The following ALK variants were observed in gnomAD, a reference collection of about 807,000 sequenced individuals.
ALK encodes ALK receptor tyrosine kinase.
A neutral mutation model predicts 163.1 loss-of-function variants in ALK; 74 were observed. That is an observed-to-expected ratio of 0.45 (90% CI 0.38 to 0.55). The LOEUF is 0.55. Among genes scored for constraint, ALK ranks in the 20% least tolerant of loss-of-function variants. The pLI, the probability that ALK is intolerant of heterozygous loss-of-function variation, is 0.00. For synonymous variants in ALK, 960 were observed against 843.2 expected (o/e 1.14, Z -2.40); for missense variants, 2,063 against 2,105.3 (o/e 0.98, Z 0.39).
intron 9 of ALK, among the ~76,000 whole-genome samples, chr2:29,284,142 G>A (rs1665787361): frequency 6.6e-6 from 1 of 152,196 alleles, no homozygotes; most frequent in Non-Finnish European, 1.5e-5. Context: ...AGAACTATGG[G>A]CGAAACTCTC....
intron 1 of ALK, among the ~76,000 whole-genome samples, chr2:29,717,939 T>C (rs960405162): frequency 6.6e-6 from 1 of 152,338 alleles, no homozygotes; most frequent in Admixed American, 6.5e-5. Flanking sequence ...ATGCTGAGGA[T>C]CTCTGGGAGA....
chr2:29,591,175 G>A (rs1675048064), intron 3 of ALK, among the ~76,000 whole-genome samples: 1 of 150,972 alleles, frequency 6.6e-6, no homozygotes, highest in Non-Finnish European at 1.5e-5. Flanking sequence ...AAGAATCATG[G>A]AATAATTTTT....
rs139086136 is a variant in ALK at position 29,193,860 on chromosome 2, C to G, written c.4227G>C (p.Glu1409Asp). The G allele has an allele frequency of 9.3e-6, 15 of 1,613,866 alleles. No homozygotes were observed. The highest frequency in any genetic ancestry group is 1.3e-5 in the Non-Finnish European group (15 of 1,179,908). ...GGTCCTTGGGCCTCACAGGCACTTT[C>G]TCTTCCTCTTCCACAAGTGGACCAT... Reference protein sequence around the residue: ...IEYGPLVEEEEKVPVRPKDPE... With the variant: ...IEYGPLVEEEDKVPVRPKDPE... Residue 1409 changes from glutamate to aspartate, a missense_variant, in exon 29 of 29, where the codon GAG becomes GAC. Coordinates refer to ENST00000389048, the MANE Select transcript of ALK (RefSeq NM_004304.5).
At chr2:29,607,839 C>T (rs1675580493) in intron 3 of ALK, among the ~76,000 whole-genome samples, 1 of 152,014 alleles carries the variant, frequency 6.6e-6, no homozygotes, top group African/African-American at 2.4e-5. Flanking sequence ...GCTTTAATAC[C>T]AAGCACCTGC....
intron 1 of ALK, among the ~76,000 whole-genome samples, chr2:29,794,294 A>G (rs774648935): frequency 5.9e-5 from 9 of 152,088 alleles, no homozygotes; most frequent in Non-Finnish European, 1.2e-4. Context: ...TGAACTTTGC[A>G]CTAGATTAAG....
chr2:29,758,739 T>C (rs1348079974), intron 1 of ALK, among the ~76,000 whole-genome samples: 3 of 152,184 alleles, frequency 2.0e-5, no homozygotes, highest in Non-Finnish European at 2.9e-5. Flanking sequence ...TCTTCTTCAA[T>C]TAAAAAGGCT....
At chr2:29,439,826 T>C (rs1235802656) in intron 4 of ALK, among the ~76,000 whole-genome samples, 2 of 152,160 alleles carry the variant, frequency 1.3e-5, no homozygotes, top group Non-Finnish European at 2.9e-5. Context: ...TGGTAAGGAT[T>C]CTACCCAGAG....
chr2:29,601,326 T>G (rs1298279671), intron 3 of ALK, among the ~76,000 whole-genome samples: 1 of 152,218 alleles, frequency 6.6e-6, no homozygotes, highest in African/African-American at 2.4e-5. Flanking sequence ...AATGACTTGA[T>G]TCTGGTGCCT....
intron 1 of ALK, among the ~76,000 whole-genome samples, chr2:29,723,132 C>T (rs574560673): frequency 6.6e-6 from 1 of 152,288 alleles, no homozygotes; most frequent in Non-Finnish European, 1.5e-5. Context: ...CATAGCCTAG[C>T]CCCTAAAGGC....
At chr2:29,825,873 G>A (rs1268462224) in intron 1 of ALK, among the ~76,000 whole-genome samples, 1 of 152,110 alleles carries the variant, frequency 6.6e-6, no homozygotes, top group Non-Finnish European at 1.5e-5. Flanking sequence ...TGAGAAGTTA[G>A]AATCAAAACA....
rs575483679 is a variant in ALK, at chr2:29,390,558, G to T, written c.1155-6699C>A. 2.2e-5 allele frequency among the ~76,000 whole-genome samples: 3 copies of T among 138,182 alleles called. No homozygotes were observed. The South Asian group carries it at 7.2e-4, about 33-fold the overall frequency. 90.7% of individuals were successfully genotyped at this position (138,182 alleles called of 152,430 possible). ...AACTGAGCCTGTGGGAGTTTGTCTG[G>T]ATCAATACAGAAAGAAAGAGAAAAA... On this transcript the variant is annotated intron_variant, in intron 4 of 28. Coordinates refer to ENST00000389048, the MANE Select transcript of ALK (RefSeq NM_004304.5).
chr2:29,480,914 A>G (rs1367529372), intron 4 of ALK, among the ~76,000 whole-genome samples: 1 of 151,910 alleles, frequency 6.6e-6, no homozygotes, highest in African/African-American at 2.4e-5. Context: ...AAGGCCAAAG[A>G]TTCTGCATTT....
chr2:29,207,310 A>C (rs1558612991), intron 25 of ALK, 38 bp from the exon 26 acceptor site: 1 of 1,506,906 alleles, frequency 6.6e-7, no homozygotes, highest in African/African-American at 1.4e-5. Context: ...TAGGATCTGG[A>C]GATGGCATTA....
At chr2:29,205,706 T>TCTTATAAGGATACTTGCGATGG (rs1383851073) in intron 26 of ALK, among the ~76,000 whole-genome samples, 1 of 152,126 alleles carries the variant, frequency 6.6e-6, no homozygotes, top group African/African-American at 2.4e-5. Flanking sequence ...GGTCCTTCTC[T>TCTTATAAGGATACTTGCGATGG]CTTATAAGGA....
chr2:29,500,129 G>C lies in ALK; in HGVS notation c.1154+31786C>G, dbSNP rs145251495. 5.6e-3 allele frequency among the ~76,000 whole-genome samples: 851 copies of C among 151,114 alleles called. 16 individuals carry two copies. Among genetic ancestry groups the C allele is most frequent in the African/African-American group, 0.02 (791 of 40,436 alleles). ...CCAGAGTTCCTTGATGGCTGATATGGTTTGGATCTGTGTCCCCCACCCAAA... is the reference window on the plus strand; with the variant it reads ...CCAGAGTTCCTTGATGGCTGATATGCTTTGGATCTGTGTCCCCCACCCAAA... On this transcript the variant is annotated intron_variant, in intron 4 of 28. Coordinates refer to ENST00000389048, the MANE Select transcript of ALK (RefSeq NM_004304.5).
chr2:29,870,929 GAACC>G (rs1666561683), intron 1 of ALK, among the ~76,000 whole-genome samples: 1 of 152,146 alleles, frequency 6.6e-6, no homozygotes, highest in Non-Finnish European at 1.5e-5. Context: ...TTGCCCACAG[GAACC>G]ACAAGGTCAT....
chr2:29,545,130 A>C (rs992184409), intron 3 of ALK, among the ~76,000 whole-genome samples: 1 of 152,200 alleles, frequency 6.6e-6, no homozygotes, highest in South Asian at 2.1e-4. Flanking sequence ...CAGGCCCAGC[A>C]GCTGGTCTCA....
intron 3 of ALK, among the ~76,000 whole-genome samples, chr2:29,636,175 T>C (rs979367797): frequency 7.2e-5 from 11 of 152,060 alleles, no homozygotes; most frequent in African/African-American, 2.7e-4. Context: ...AATATACACA[T>C]AGATCAATGG....
intron 1 of ALK, among the ~76,000 whole-genome samples, chr2:29,904,827 AAAC>A (rs1354850510): frequency 2.0e-5 from 3 of 152,188 alleles, no homozygotes; most frequent in Non-Finnish European, 4.4e-5. Context: ...AAACAAAACA[AAAC>A]AAGAAACCCA....
Sources: gnomAD v4.1 joint callset for allele counts (sites outside exome capture counted in the v4.1 genomes callset) on GRCh38, gnomAD v4.1.1 for gene constraint, MANE v1.5 for transcripts, NCBI Gene and HGNC (gene_info 2026-07-23, HGNC 2026-07-21) for gene names.